Variants in ASAP1 observed in about 807,000 individuals in gnomAD.
ASAP1 encodes the protein ArfGAP with SH3 domain, ankyrin repeat and PH domain 1.
ASAP1 carries 43 observed loss-of-function variants against 145.2 expected under a neutral mutation model. The observed-to-expected ratio is 0.30, with a 90% CI of 0.23 to 0.38. The LOEUF (loss-of-function observed/expected upper bound fraction) is 0.38, where lower values mean the gene tolerates loss of function less well. ASAP1 is among the 10% of genes least tolerant of loss of function. ASAP1 has a pLI of 1.00. For synonymous variants in ASAP1, 546 were observed against 515.5 expected, an observed-to-expected ratio of 1.06 and a Z score of -0.80; for missense variants, 1,018 against 1,355.3, an observed-to-expected ratio of 0.75 and a Z score of 3.91.
rs1391680090 is a variant in ASAP1 at position 130,415,462 on chromosome 8, C to A, written c.-27-13492G>T. 2.6e-5 allele frequency among the ~76,000 whole-genome samples: 4 copies of A among 152,076 alleles called. No homozygotes were observed. In the East Asian group the frequency reaches 7.7e-4, roughly 29 times the overall value. On this transcript the variant is annotated intron_variant, in intron 1 of 29. Transcript: ENST00000518721. The stretch of plus-strand genomic sequence containing the variant: ...CAGTCTGGGCAACACAGCAAGACAG[C>A]AAGACCCTGTCTCTTAAAAAAACAA...
intron 16 of ASAP1, among the ~76,000 whole-genome samples, chr8:130,126,596 C>T (rs772198642): frequency 1.3e-5 from 2 of 152,156 alleles, no homozygotes; most frequent in Non-Finnish European, 2.9e-5. Context: ...TTTTCTACAA[C>T]CTCCAATGGC....
At chr8:130,215,502 G>T (rs185207842) in intron 4 of ASAP1, among the ~76,000 whole-genome samples, 1 of 152,066 alleles carries the variant, frequency 6.6e-6, no homozygotes, top group Non-Finnish European at 1.5e-5. Flanking sequence ...CCAGCACTTT[G>T]GGAGGCCAAG....
intron 27 of ASAP1, among the ~76,000 whole-genome samples, chr8:130,072,830 C>CGTGTGCGTGCGCGCGCGCGCACGCGCG (rs1448184178): frequency 2.8e-4 from 9 of 31,920 alleles, no homozygotes; most frequent in African/African-American, 4.1e-4. Flanking sequence ...TGTGTGCGCG[C>CGTGTGCGTGCGCGCGCGCGCACGCGCG]GGGGGGGGGC....
intron 27 of ASAP1, among the ~76,000 whole-genome samples, chr8:130,067,299 T>C (rs2097432786): frequency 6.6e-6 from 1 of 152,130 alleles, no homozygotes; most frequent in Non-Finnish European, 1.5e-5. Context: ...CTACATGTAG[T>C]TTAGTGTGAG....
At chr8:130,127,777 G>A (rs1220357042) in intron 16 of ASAP1, 150 bp downstream of exon 16, 10 of 904,444 alleles carry the variant, frequency 1.1e-5, no homozygotes, top group South Asian at 4.0e-5. Flanking sequence ...GCAGCTCAGC[G>A]GTAGGAAAAA....
chr8:130,344,569 T>C (rs537251121), intron 3 of ASAP1, among the ~76,000 whole-genome samples: 1 of 152,328 alleles, frequency 6.6e-6, no homozygotes, highest in African/African-American at 2.4e-5. Context: ...TGCAAAAATT[T>C]AAGTTAACAG....
intron 18 of ASAP1, among the ~76,000 whole-genome samples, chr8:130,123,273 T>G (rs2135703178): frequency 6.6e-6 from 1 of 152,330 alleles, no homozygotes; most frequent in Non-Finnish European, 1.5e-5. Flanking sequence ...TAGTGTACCA[T>G]TTTGTACTCC....
intron 3 of ASAP1, among the ~76,000 whole-genome samples, chr8:130,278,569 C>T (rs1031055794): frequency 6.6e-6 from 1 of 152,086 alleles, no homozygotes; most frequent in African/African-American, 2.4e-5. Flanking sequence ...TGCAAATAAG[C>T]CTTTCTCTTT....
intron 3 of ASAP1, among the ~76,000 whole-genome samples, chr8:130,329,437 T>G (rs928670804): frequency 6.6e-6 from 1 of 152,176 alleles, no homozygotes; most frequent in Non-Finnish European, 1.5e-5. Context: ...AGATCCAGGA[T>G]CTTGGATTTA....
At chr8:130,227,542 G>A (rs1203178100) in intron 4 of ASAP1, among the ~76,000 whole-genome samples, 4 of 151,946 alleles carry the variant, frequency 2.6e-5, no homozygotes, top group Non-Finnish European at 5.9e-5. Context: ...ACAGGCATGA[G>A]CCACACTGCA....
At chr8:130,090,774 C>T (rs771513302) in intron 25 of ASAP1, among the ~76,000 whole-genome samples, 3 of 152,150 alleles carry the variant, frequency 2.0e-5, no homozygotes, top group South Asian at 2.1e-4. Flanking sequence ...AGAGAATGAA[C>T]GGCTAAATGC....
At chr8:130,430,346 A>G (rs911731500) in intron 1 of ASAP1, among the ~76,000 whole-genome samples, 4 of 152,180 alleles carry the variant, frequency 2.6e-5, no homozygotes, top group African/African-American at 9.7e-5. Flanking sequence ...TTAGGATGGC[A>G]CTTTAATGTA....
intron 2 of ASAP1, among the ~76,000 whole-genome samples, chr8:130,399,333 C>A (rs752750031): frequency 4.6e-5 from 7 of 152,122 alleles, no homozygotes; most frequent in Non-Finnish European, 1.0e-4. Context: ...GATTTTATGT[C>A]ATTGTCAGCA....
At chr8:130,276,685 C>CAA (rs1286112305) in intron 3 of ASAP1, among the ~76,000 whole-genome samples, 1 of 119,728 alleles carries the variant, frequency 8.4e-6, no homozygotes, top group African/African-American at 3.3e-5. Context: ...GCCAAGACTG[C>CAA]AAACACACAC....
At chr8:130,176,126 C>T (rs1423558873) in intron 9 of ASAP1, among the ~76,000 whole-genome samples, 11 of 152,156 alleles carry the variant, frequency 7.2e-5, no homozygotes, top group Non-Finnish European at 1.5e-4. Flanking sequence ...TTTCTGTTCC[C>T]TTTATTTATT....
At chr8:130,260,269 A>G (rs1459677094) in intron 3 of ASAP1, among the ~76,000 whole-genome samples, 2 of 152,080 alleles carry the variant, frequency 1.3e-5, no homozygotes, top group Non-Finnish European at 1.5e-5. Flanking sequence ...GTCTCTTCCA[A>G]TCAAATCACT....
chr8:130,162,340 G>A (rs1382927734), intron 11 of ASAP1, among the ~76,000 whole-genome samples: 1 of 152,128 alleles, frequency 6.6e-6, no homozygotes, highest in Non-Finnish European at 1.5e-5. Flanking sequence ...AGGCAGCAGT[G>A]TGTTCATAAT....
At chr8:130,149,346 T>C (rs544220442) in intron 13 of ASAP1, among the ~76,000 whole-genome samples, 84 of 151,650 alleles carry the variant, frequency 5.5e-4, no homozygotes, top group African/African-American at 1.8e-3. Context: ...CTTTGAATAG[T>C]TGGTAAAAGA....
intron 11 of ASAP1, chr8:130,160,919 T>A: frequency 1.6e-6 from 1 of 629,486 alleles, no homozygotes; most frequent in South Asian, 1.8e-5. Flanking sequence ...AATATCACTG[T>A]AAAGATAATA....
Sources: gnomAD v4.1 joint callset for allele counts (sites outside exome capture counted in the v4.1 genomes callset) on GRCh38, gnomAD v4.1.1 for gene constraint, MANE v1.5 for transcripts, NCBI Gene and HGNC (gene_info 2026-07-23, HGNC 2026-07-21) for gene names.